The following THADA variants were observed in gnomAD, a reference collection of about 807,000 sequenced individuals.
THADA encodes the protein tRNA (32-2'-O)-methyltransferase regulator THADA.
THADA carries 213 observed loss-of-function variants against 219.8 expected under a neutral mutation model. The observed-to-expected ratio is 0.97, with a 90% CI of 0.87 to 1.09. The LOEUF (loss-of-function observed/expected upper bound fraction) is 1.09. THADA is among the 50% of genes least tolerant of loss of function. The pLI is 0.00. For synonymous variants in THADA, 1,018 were observed against 828.9 expected, an observed-to-expected ratio of 1.23 and a Z score of -3.92; for missense variants, 2,956 against 2,311.3, an observed-to-expected ratio of 1.28 and a Z score of -5.72.
chr2:43,322,628 A>T (rs1678857454), intron 30 of THADA, among the ~76,000 whole-genome samples: 1 of 147,724 alleles, frequency 6.8e-6, no homozygotes, highest in Non-Finnish European at 1.5e-5. Flanking sequence ...TCTCGAGGCA[A>T]CCGCTATTAC....
chr2:43,384,474 T>C (rs1296367660), intron 29 of THADA, among the ~76,000 whole-genome samples: 2 of 152,222 alleles, frequency 1.3e-5, no homozygotes, highest in Non-Finnish European at 2.9e-5. Context: ...AGAGTTTCCT[T>C]TGAAGAACAT....
chr2:43,272,514 G>A (rs140918091), intron 36 of THADA, among the ~76,000 whole-genome samples: 1 of 151,920 alleles, frequency 6.6e-6, no homozygotes, highest in East Asian at 1.9e-4. Context: ...GAATACCCTT[G>A]ATCTGACCAC....
intron 30 of THADA, among the ~76,000 whole-genome samples, chr2:43,321,249 C>T (rs751333634): frequency 1.1e-4 from 17 of 152,200 alleles, no homozygotes; most frequent in Non-Finnish European, 1.5e-4. Flanking sequence ...AAGGCCAAAA[C>T]GTCTTTGGTG....
intron 22 of THADA, among the ~76,000 whole-genome samples, chr2:43,518,243 T>C (rs757702395): frequency 2.0e-5 from 3 of 152,166 alleles, no homozygotes; most frequent in African/African-American, 2.4e-5. Context: ...TCATTGAATA[T>C]GGCAGTCTAA....
intron 34 of THADA, among the ~76,000 whole-genome samples, chr2:43,290,537 C>A (rs1294397783): frequency 2.6e-5 from 4 of 152,178 alleles, no homozygotes; most frequent in African/African-American, 7.2e-5. Flanking sequence ...TCTGAACTCT[C>A]ACTCCCTCCT....
chr2:43,340,121 T>G (rs560987469), intron 30 of THADA, among the ~76,000 whole-genome samples: 11 of 152,288 alleles, frequency 7.2e-5, no homozygotes, highest in African/African-American at 2.6e-4. Flanking sequence ...TTTCAGTAGT[T>G]AGTAAACTGC....
rs536278126 is a variant in THADA at position 43,574,714 on chromosome 2, T to A, written c.1351A>T (p.Ile451Phe). 221 of 1,613,934 alleles carry A rather than the reference T, an allele frequency of 1.4e-4. No individual in the cohort carries two copies. Among genetic ancestry groups the A allele is most frequent in the Non-Finnish European group, 1.8e-4 (213 of 1,179,908 alleles). The change falls in exon 11 of 38, where the codon ATT becomes TTT. Residue 451 changes from isoleucine to phenylalanine, a missense_variant. Transcript: ENST00000405975. Reference protein sequence around the residue: ...TESLLRLEWHIKGKYTCLGCL... With the variant: ...TESLLRLEWHFKGKYTCLGCL... Reference sequence around the variant, plus strand: ...CCAAGGCACGTGTACTTTCCTTTAATATGCCATTCCAATCGTAAAAGACTC... The same window carrying A: ...CCAAGGCACGTGTACTTTCCTTTAAAATGCCATTCCAATCGTAAAAGACTC...
intron 29 of THADA, among the ~76,000 whole-genome samples, chr2:43,377,435 A>G (rs1671507555): frequency 6.6e-6 from 1 of 152,128 alleles, no homozygotes; most frequent in African/African-American, 2.4e-5. Flanking sequence ...GCTCAATGGC[A>G]AGAAAGGGAA....
At chr2:43,482,257 C>T (rs367831940) in intron 26 of THADA, among the ~76,000 whole-genome samples, 2 of 152,042 alleles carry the variant, frequency 1.3e-5, no homozygotes, top group East Asian at 3.9e-4. Flanking sequence ...ACCCAAAAAA[C>T]ACATCTAAAA....
intron 28 of THADA, among the ~76,000 whole-genome samples, chr2:43,410,719 G>A (rs1676174619): frequency 6.6e-6 from 1 of 151,870 alleles, no homozygotes; most frequent in African/African-American, 2.4e-5. Flanking sequence ...AACAATCATT[G>A]CCAGGGAGGT....
At chr2:43,298,094 G>C (rs1268802976) in intron 31 of THADA, among the ~76,000 whole-genome samples, 1 of 102,248 alleles carries the variant, frequency 9.8e-6, no homozygotes, top group Non-Finnish European at 1.8e-5. Context: ...CGTCTGGGAG[G>C]TGTGCCCAAC....
chr2:43,480,998 C>T (rs1220203876), intron 26 of THADA, among the ~76,000 whole-genome samples: 1 of 152,210 alleles, frequency 6.6e-6, no homozygotes, highest in African/African-American at 2.4e-5. Flanking sequence ...TGCCCTGCAG[C>T]TTTCAATTTT....
chr2:43,582,446 G>A (rs549331843), intron 7 of THADA, among the ~76,000 whole-genome samples: 4 of 149,552 alleles, frequency 2.7e-5, no homozygotes, highest in Admixed American at 1.3e-4. Context: ...GCAGTGAGCC[G>A]AGATGGCACT....
intron 29 of THADA, among the ~76,000 whole-genome samples, chr2:43,397,097 T>C (rs957167758): frequency 3.9e-5 from 6 of 152,096 alleles, no homozygotes; most frequent in Non-Finnish European, 8.8e-5. Context: ...TAATGCGGGG[T>C]AGATCTGAGA....
intron 28 of THADA, among the ~76,000 whole-genome samples, chr2:43,421,074 A>G (rs1677657389): frequency 6.6e-6 from 1 of 152,246 alleles, no homozygotes; most frequent in Non-Finnish European, 1.5e-5. Context: ...TTCAAAATGT[A>G]TGTATCTGTA....
chr2:43,497,478 C>G (rs1366952589), intron 25 of THADA, among the ~76,000 whole-genome samples: 1 of 152,164 alleles, frequency 6.6e-6, no homozygotes, highest in East Asian at 1.9e-4. Context: ...TAATTGGGAG[C>G]TGAACAGTGA....
intron 31 of THADA, among the ~76,000 whole-genome samples, chr2:43,299,488 G>A (rs6748690): frequency 0.069 from 10,466 of 151,566 alleles, 575 homozygotes; most frequent in South Asian, 0.18. Context: ...GTGAAACCCC[G>A]TCTCTACTAA....
chr2:43,543,226 A>G (rs1391654557), intron 20 of THADA, among the ~76,000 whole-genome samples: 3 of 139,126 alleles, frequency 2.2e-5, no homozygotes. Flanking sequence ...ATGGCTGCAT[A>G]GTATTCCATG....
intron 4 of THADA, among the ~76,000 whole-genome samples, chr2:43,589,472 GTTAC>G (rs1430201288): frequency 1.3e-5 from 2 of 152,302 alleles, no homozygotes; most frequent in African/African-American, 2.4e-5. Context: ...ATGGAGAGTT[GTTAC>G]TTAATGTATA....
Sources: gnomAD v4.1 joint callset for allele counts (sites outside exome capture counted in the v4.1 genomes callset) on GRCh38, gnomAD v4.1.1 for gene constraint, MANE v1.5 for transcripts, NCBI Gene and HGNC (gene_info 2026-07-23, HGNC 2026-07-21) for gene names.